The following GRID2 variants were observed in gnomAD, a reference collection of about 807,000 sequenced individuals.
GRID2 encodes glutamate ionotropic receptor delta type subunit 2, also known as glutamate receptor ionotropic, delta-2.
In GRID2, 33 loss-of-function variants were observed where a neutral mutation model predicts 114.8. That is an observed-to-expected ratio of 0.29 (90% confidence interval 0.22 to 0.38). GRID2 has a LOEUF of 0.38. Ranked by LOEUF, GRID2 falls within the 10% of genes least tolerant of loss-of-function variation. The pLI, the probability that GRID2 is intolerant of heterozygous loss-of-function variation, is 1.00. For synonymous variants in GRID2, 505 were observed against 449.9 expected (o/e 1.12, Z -1.55); for missense variants, 1,184 against 1,257.7 (o/e 0.94, Z 0.89).
At position 92,939,134 on chromosome 4, in the gene GRID2, T is replaced by C. The variant is rs570795945; in HGVS notation, c.245-145861T>C. Among the ~76,000 whole-genome samples the C allele has an allele frequency of 2.8e-3, 419 of 147,270 alleles. 49 individuals are homozygous for C. The highest frequency in any genetic ancestry group is 5.9e-3 in the Admixed American group (81 of 13,732). On this transcript the variant is annotated intron_variant, in intron 2 of 15. Transcript: ENST00000282020. ...TTCTAGTTCTAGATCCATGAGGAAC[T>C]GCTACACTGACTTCCACAATGGTTG...
At chr4:92,543,350 C>T (rs145636596) in intron 1 of GRID2, among the ~76,000 whole-genome samples, 1 of 151,998 alleles carries the variant, frequency 6.6e-6, no homozygotes, top group Non-Finnish European at 1.5e-5. Context: ...GTTATTTTCA[C>T]TATAGCACAT....
At chr4:92,578,107 CTTCTTCT>C (rs1186527409) in intron 1 of GRID2, among the ~76,000 whole-genome samples, 1 of 109,174 alleles carries the variant, frequency 9.2e-6, no homozygotes, top group East Asian at 2.8e-4. Context: ...TCTTCTTCTT[CTTCTTCT>C]TTTTCTTATT....
chr4:93,586,546 T>A (rs898320853), intron 13 of GRID2, among the ~76,000 whole-genome samples: 2 of 152,178 alleles, frequency 1.3e-5, no homozygotes, highest in Non-Finnish European at 2.9e-5. Flanking sequence ...TCTAGACACT[T>A]GACATACATA....
intron 8 of GRID2, among the ~76,000 whole-genome samples, chr4:93,262,577 A>G (rs2149551713): frequency 6.6e-6 from 1 of 152,114 alleles, no homozygotes; most frequent in African/African-American, 2.4e-5. Flanking sequence ...GTCTAATTAT[A>G]TAAACTTACC....
chr4:93,097,742 C>T lies in GRID2; in HGVS notation c.529+12463C>T, dbSNP rs143215985. Among the ~76,000 whole-genome samples the T allele has an allele frequency of 2.3e-3, 355 of 151,980 alleles. 1 individual carries two copies. The highest frequency in any genetic ancestry group is 8.1e-3 in the African/African-American group (335 of 41,502). On this transcript the variant is annotated intron_variant, in intron 3 of 15. Coordinates refer to ENST00000282020, the MANE Select transcript of GRID2 (RefSeq NM_001510.4). ...GAAAGACTCCAAGCGATGCAGAATT[C>T]GTTACTTTTTGATGCAGCTTTTTTC...
intron 1 of GRID2, among the ~76,000 whole-genome samples, chr4:92,449,294 T>G (rs556248908): frequency 6.6e-6 from 1 of 152,106 alleles, no homozygotes; most frequent in Non-Finnish European, 1.5e-5. Flanking sequence ...TAACTTACAG[T>G]GCTGCCAGCA....
At chr4:92,682,497 A>G (rs1733695763) in intron 2 of GRID2, among the ~76,000 whole-genome samples, 2 of 152,188 alleles carry the variant, frequency 1.3e-5, no homozygotes, top group Admixed American at 6.6e-5. Context: ...CTGAAAGTAT[A>G]CTTCCATTTC....
chr4:92,712,502 G>C (rs149988160), intron 2 of GRID2, among the ~76,000 whole-genome samples: 2 of 152,134 alleles, frequency 1.3e-5, no homozygotes, highest in East Asian at 3.9e-4. Context: ...AACAATTATG[G>C]TTTCTAATTA....
intron 4 of GRID2, among the ~76,000 whole-genome samples, chr4:93,204,282 A>G (rs1460715231): frequency 6.6e-6 from 1 of 152,108 alleles, no homozygotes; most frequent in Admixed American, 6.6e-5. Flanking sequence ...GAGGACCCAA[A>G]AGAGATTCAG....
intron 4 of GRID2, among the ~76,000 whole-genome samples, chr4:93,200,920 A>G (rs1742039733): frequency 6.6e-6 from 1 of 152,202 alleles, no homozygotes. Flanking sequence ...AGGCACATGA[A>G]CTGAAATGTG....
At chr4:92,362,756 A>T (rs1327857410) in intron 1 of GRID2, among the ~76,000 whole-genome samples, 3 of 152,048 alleles carry the variant, frequency 2.0e-5, no homozygotes, top group Non-Finnish European at 2.9e-5. Flanking sequence ...AACCAAACAC[A>T]TTGTACTCAT....
intron 8 of GRID2, among the ~76,000 whole-genome samples, chr4:93,360,767 TATG>T (rs1410187599): frequency 6.6e-6 from 1 of 151,908 alleles, no homozygotes; most frequent in Non-Finnish European, 1.5e-5. Flanking sequence ...TTATATTATT[TATG>T]ATATTTTTCA....
chr4:92,907,274 A>G (rs1748028585), intron 2 of GRID2, among the ~76,000 whole-genome samples: 1 of 152,130 alleles, frequency 6.6e-6, no homozygotes, highest in Non-Finnish European at 1.5e-5. Context: ...GTGCATATTC[A>G]TTGTCTCATC....
intron 1 of GRID2, among the ~76,000 whole-genome samples, chr4:92,441,159 T>G (rs77885692): frequency 6.6e-6 from 1 of 151,542 alleles, no homozygotes; most frequent in East Asian, 1.9e-4. Context: ...GCACTAACCA[T>G]GCCTAGGAAG....
At chr4:92,898,211 G>A (rs1485871026) in intron 2 of GRID2, among the ~76,000 whole-genome samples, 6 of 152,004 alleles carry the variant, frequency 3.9e-5, no homozygotes, top group Non-Finnish European at 7.4e-5. Flanking sequence ...AAGAAAAGAC[G>A]CATATCCATC....
At chr4:92,779,357 TTATG>T (rs1352867977) in intron 2 of GRID2, among the ~76,000 whole-genome samples, 1 of 152,092 alleles carries the variant, frequency 6.6e-6, no homozygotes, top group African/African-American at 2.4e-5. Flanking sequence ...CATAAAATCT[TTATG>T]TAAATAATAT....
intron 1 of GRID2, among the ~76,000 whole-genome samples, chr4:92,369,008 C>T (rs1201069108): frequency 1.3e-5 from 2 of 151,194 alleles, no homozygotes; most frequent in Admixed American, 6.6e-5. Flanking sequence ...TTAGTCCATC[C>T]AATTATTTTA....
intron 1 of GRID2, among the ~76,000 whole-genome samples, chr4:92,356,742 A>C (rs1268830175): frequency 6.6e-6 from 1 of 151,804 alleles, no homozygotes; most frequent in African/African-American, 2.4e-5. Flanking sequence ...TTCATATTTC[A>C]GTGACATTGT....
At position 93,343,167 on chromosome 4, in the gene GRID2, TGTGTG is replaced by T. The variant is rs781742298; in HGVS notation, c.1246-52439_1246-52435del. Among the ~76,000 whole-genome samples the T allele has an allele frequency of 2.0e-3, 305 of 150,022 alleles. 3 individuals are homozygous for T. The South Asian group carries it at 0.031, about 15-fold the overall frequency. ...CTGTGTGTGTGTGTGTGTGTGTGTG[TGTGTG>T]TGTGTGTGTATTGGGTCATATTAGA... On this transcript the variant is annotated intron_variant, in intron 8 of 15. Transcript: ENST00000282020.
Sources: gnomAD v4.1 joint callset for allele counts (sites outside exome capture counted in the v4.1 genomes callset) on GRCh38, gnomAD v4.1.1 for gene constraint, MANE v1.5 for transcripts, NCBI Gene and HGNC (gene_info 2026-07-23, HGNC 2026-07-21) for gene names.